The following LEKR1 variants were observed in gnomAD, a reference collection of about 807,000 sequenced individuals.
The protein encoded by LEKR1 is leucine, glutamate and lysine rich 1, also known as protein LEKR1.
LEKR1 carries 59 observed loss-of-function variants against 72.4 expected under a neutral mutation model. The observed-to-expected ratio is 0.82, with a 90% CI of 0.66 to 1.01. LEKR1 has a LOEUF of 1.01. LEKR1 is among the 50% of genes least tolerant of loss of function. The pLI, the probability that LEKR1 is intolerant of heterozygous loss-of-function variation, is 0.00. For synonymous variants in LEKR1, 257 were observed against 263.2 expected, an observed-to-expected ratio of 0.98 and a Z score of 0.23; for missense variants, 728 against 759.2, an observed-to-expected ratio of 0.96 and a Z score of 0.48.
In LEKR1 at chr3:156,843,475, T is replaced by TA. The variant is rs143801926; in HGVS notation, c.49-9284dup. 9.5e-3 allele frequency among the ~76,000 whole-genome samples: 1,421 copies of TA among 150,360 alleles called. 11 individuals carry two copies. Among genetic ancestry groups the TA allele is most frequent in the Admixed American group, 0.014 (206 of 15,120 alleles). ...TCTTTATTACCACAGGACACAAAAG[T>TA]AAAAAAAAAGAGACCAGAGTTGTTT... On this transcript the variant is annotated intron_variant, in intron 2 of 12. Transcript: ENST00000356539.
At chr3:157,012,781 T>G (rs541327576) in intron 10 of LEKR1, among the ~76,000 whole-genome samples, 17 of 152,260 alleles carry the variant, frequency 1.1e-4, no homozygotes, top group Admixed American at 5.2e-4. Context: ...TTTTGTAGTA[T>G]AGGCCTTTTC....
At position 156,888,950 on chromosome 3, in the gene LEKR1, T is replaced by C. The variant is rs570050355; in HGVS notation, c.264-31625T>C. Among the ~76,000 whole-genome samples the C allele has an allele frequency of 2.0e-5, 3 of 152,234 alleles. No homozygotes were observed. In the South Asian group the frequency reaches 6.2e-4, roughly 32 times the overall value. On this transcript the variant is annotated intron_variant, in intron 3 of 12. Coordinates refer to ENST00000356539, the MANE Select transcript of LEKR1 (RefSeq NM_001004316.3). ...GCTCTTATTTTCTAAAAAGGAAAGC[T>C]TATTTTCTAGTAAATGCTAAATCAT... is the stretch of plus-strand genomic sequence containing the variant.
intron 6 of LEKR1, among the ~76,000 whole-genome samples, chr3:156,956,696 T>C (rs1727668125): frequency 6.6e-6 from 1 of 152,004 alleles, no homozygotes; most frequent in African/African-American, 2.4e-5. Context: ...AATTTGTCTA[T>C]TAAAAAGGTA....
At chr3:156,883,003 G>A in intron 3 of LEKR1, among the ~76,000 whole-genome samples, 1 of 150,074 alleles carries the variant, frequency 6.7e-6, no homozygotes, top group South Asian at 2.1e-4. Context: ...GGACTGTTGT[G>A]GGTTGGGGGG....
chr3:156,861,130 T>C lies in LEKR1; in HGVS notation c.263+8148T>C, dbSNP rs114493782. 2.8e-3 allele frequency among the ~76,000 whole-genome samples: 426 copies of C among 152,298 alleles called. 2 individuals are homozygous for C. Among genetic ancestry groups the C allele is most frequent in the African/African-American group, 1.0e-2 (415 of 41,568 alleles). On this transcript the variant is annotated intron_variant, in intron 3 of 12. Coordinates refer to ENST00000356539, the MANE Select transcript of LEKR1 (RefSeq NM_001004316.3). ...GTAAGGAAGAAAAGGAAACAGACAC[T>C]ATCAGGGCCTGCCTCACTGGGCCAT...
intron 3 of LEKR1, among the ~76,000 whole-genome samples, chr3:156,901,818 C>T (rs762482576): frequency 6.6e-5 from 10 of 152,142 alleles, no homozygotes; most frequent in Non-Finnish European, 1.3e-4. Flanking sequence ...TCCCAAATAG[C>T]TGGGACTACA....
intron 3 of LEKR1, among the ~76,000 whole-genome samples, chr3:156,899,523 CATATATACACATATATACATATAT>C (rs1721685410): frequency 2.3e-5 from 3 of 129,268 alleles, no homozygotes; most frequent in Non-Finnish European, 4.9e-5. Flanking sequence ...TACATACATA[CATATATACACATATATACATATAT>C]ACACATATAT....
intron 12 of LEKR1, among the ~76,000 whole-genome samples, chr3:157,029,672 G>C (rs1004774458): frequency 6.6e-6 from 1 of 152,122 alleles, no homozygotes; most frequent in Non-Finnish European, 1.5e-5. Flanking sequence ...CGCACCCCTA[G>C]TTCAGGCAGG....
chr3:156,869,971 C>T (rs983445541), intron 3 of LEKR1, among the ~76,000 whole-genome samples: 2 of 151,934 alleles, frequency 1.3e-5, no homozygotes, highest in Admixed American at 6.6e-5. Flanking sequence ...TGTCCTTTTC[C>T]CAGTGTGTGT....
intron 3 of LEKR1, among the ~76,000 whole-genome samples, chr3:156,893,146 A>G (rs1342838210): frequency 2.0e-5 from 3 of 152,160 alleles, no homozygotes; most frequent in African/African-American, 7.2e-5. Flanking sequence ...AAAAGAAATA[A>G]CAGTCTCTAT....
At chr3:156,982,574 AC>A (rs1730292162) in intron 7 of LEKR1, among the ~76,000 whole-genome samples, 1 of 152,192 alleles carries the variant, frequency 6.6e-6, no homozygotes, top group Non-Finnish European at 1.5e-5. Flanking sequence ...AATAATTGGA[AC>A]TCTGATGGGC....
At chr3:157,026,150 T>C (rs1428200075) in intron 11 of LEKR1, among the ~76,000 whole-genome samples, 1 of 152,198 alleles carries the variant, frequency 6.6e-6, no homozygotes, top group African/African-American at 2.4e-5. Context: ...GCTTAGAGCC[T>C]TGGCTCCCCC....
In LEKR1 at chr3:156,878,419, T is replaced by G. The variant is rs75355384; in HGVS notation, c.263+25437T>G. 9.2e-3 allele frequency among the ~76,000 whole-genome samples: 1,405 copies of G among 152,322 alleles called. 18 individuals are homozygous for G. The highest frequency in any genetic ancestry group is 0.033 in the African/African-American group (1,356 of 41,572). ...TCAAAAGTAGATCACTTAATTTCCATGTACTTGTACAGTTTTAAGCATTCC... is the reference window on the plus strand; with the variant it reads ...TCAAAAGTAGATCACTTAATTTCCAGGTACTTGTACAGTTTTAAGCATTCC... On this transcript the variant is annotated intron_variant, in intron 3 of 12. Coordinates refer to ENST00000356539, the MANE Select transcript of LEKR1 (RefSeq NM_001004316.3).
chr3:156,877,393 G>T (rs1018990484), intron 3 of LEKR1, among the ~76,000 whole-genome samples: 1 of 152,044 alleles, frequency 6.6e-6, no homozygotes, highest in Admixed American at 6.6e-5. Context: ...AGTAAGATTG[G>T]TATCAGTTCT....
chr3:156,907,545 T>C (rs1384914513), intron 3 of LEKR1, among the ~76,000 whole-genome samples: 1 of 152,104 alleles, frequency 6.6e-6, no homozygotes, highest in Admixed American at 6.6e-5. Flanking sequence ...ATTTCATAAC[T>C]TCCAAAATTT....
At position 157,031,430 on chromosome 3, in the gene LEKR1, G is replaced by T. The variant is rs370792763; in HGVS notation, c.1668+3028G>T. ...GTGGGAGCGGGGAGGGTAGACTAGAGTTTCCTTTAGAAGTTACCAAAATAT... is the reference window on the plus strand; with the variant it reads ...GTGGGAGCGGGGAGGGTAGACTAGATTTTCCTTTAGAAGTTACCAAAATAT... On this transcript the variant is annotated intron_variant, in intron 12 of 12. Coordinates refer to ENST00000356539, the MANE Select transcript of LEKR1 (RefSeq NM_001004316.3). Among the ~76,000 whole-genome samples, 24 of 152,182 alleles carry T rather than the reference G, an allele frequency of 1.6e-4. No homozygotes were observed. In the South Asian group the frequency reaches 3.9e-3, roughly 25 times the overall value.
chr3:156,847,348 G>A (rs1714738283), intron 2 of LEKR1, among the ~76,000 whole-genome samples: 1 of 152,044 alleles, frequency 6.6e-6, no homozygotes, highest in Non-Finnish European at 1.5e-5. Context: ...TTAATATATT[G>A]CATTTGTTAA....
intron 3 of LEKR1, among the ~76,000 whole-genome samples, chr3:156,883,283 G>A (rs955636456): frequency 1.1e-4 from 16 of 152,212 alleles, no homozygotes; most frequent in African/African-American, 3.9e-4. Context: ...TTACCCAAAT[G>A]CCTGCACCCC....
At chr3:156,986,337 G>A (rs2108004535) in intron 7 of LEKR1, among the ~76,000 whole-genome samples, 1 of 152,318 alleles carries the variant, frequency 6.6e-6, no homozygotes, top group South Asian at 2.1e-4. Flanking sequence ...AAAGGTCACT[G>A]TGGTTGCTCC....
Sources: allele counts gnomAD v4.1 joint callset (sites outside exome capture counted in the v4.1 genomes callset), GRCh38; gene constraint gnomAD v4.1.1; transcripts MANE v1.5; gene names NCBI Gene and HGNC (gene_info 2026-07-23, HGNC 2026-07-21).